Variants in DPY19L4 observed in about 807,000 individuals in gnomAD.
DPY19L4 encodes the protein dpy-19 like 4.
Under a neutral mutation model 102.8 loss-of-function variants are expected in DPY19L4, and 97 were observed. That is an observed-to-expected ratio of 0.94 (90% CI 0.80 to 1.12). DPY19L4 has a LOEUF of 1.12. DPY19L4 is among the 50% of genes most tolerant of loss of function. The pLI is 0.00. For synonymous variants in DPY19L4, 252 were observed against 283.1 expected (o/e 0.89, Z 1.10); for missense variants, 815 against 850.4 (o/e 0.96, Z 0.52).
intron 13 of DPY19L4, among the ~76,000 whole-genome samples, chr8:94,773,413 G>T (rs866948721): frequency 1.3e-5 from 2 of 152,028 alleles, no homozygotes; most frequent in African/African-American, 4.8e-5. Context: ...TAGAATTGAA[G>T]ATTATTATAT....
chr8:94,720,078 C>T, intron 1 of DPY19L4, 64 bp downstream of exon 1: 2 of 1,503,778 alleles, frequency 1.3e-6, no homozygotes, highest in African/African-American at 1.5e-5. Flanking sequence ...GGGGCGGGGG[C>T]GCTGGAGGTC....
At chr8:94,733,213 C>T (rs1371820422) in intron 2 of DPY19L4, among the ~76,000 whole-genome samples, 1 of 146,974 alleles carries the variant, frequency 6.8e-6, no homozygotes, top group Non-Finnish European at 1.5e-5. Context: ...GCAAGCTCTG[C>T]CTCTGGGTTC....
chr8:94,738,565 A>G (rs1586329511), intron 4 of DPY19L4, 106 bp downstream of exon 4: 1 of 401,200 alleles, frequency 2.5e-6, no homozygotes, highest in Non-Finnish European at 4.1e-6. Flanking sequence ...CCCAGGCTGG[A>G]GTGCAGTGGT....
intron 17 of DPY19L4, among the ~76,000 whole-genome samples, chr8:94,785,017 A>G (rs1813597163): frequency 6.6e-6 from 1 of 152,224 alleles, no homozygotes; most frequent in South Asian, 2.1e-4. Flanking sequence ...ATAATTTCAT[A>G]GAGTTTTTAA....
Position 94,789,914 on chromosome 8 carries a change from A to G in DPY19L4, c.*4A>G. ...TGTGATATCCTTCCAGTCTTGAAAAATAACAGAGCCTTCATTTCAAAGACT... is the reference window on the plus strand; with the variant it reads ...TGTGATATCCTTCCAGTCTTGAAAAGTAACAGAGCCTTCATTTCAAAGACT... On this transcript the variant is annotated 3_prime_UTR_variant, in exon 19 of 19. Coordinates refer to ENST00000414645, the MANE Select transcript of DPY19L4 (RefSeq NM_181787.3). The G allele has an allele frequency of 1.3e-6, 2 of 1,585,874 alleles. No individual in the cohort carries two copies. Among genetic ancestry groups the G allele is most frequent in the South Asian group, 1.2e-5 (1 of 84,378 alleles).
chr8:94,729,597 C>CA (rs770975687), intron 2 of DPY19L4, among the ~76,000 whole-genome samples: 1,693 of 30,962 alleles, frequency 0.055, 449 homozygotes, highest in African/African-American at 0.18. Flanking sequence ...GATTCCATCT[C>CA]AAAAAAAAAA....
intron 15 of DPY19L4, 28 bp from the exon 16 acceptor site, chr8:94,781,056 A>ATTTTTTT (rs36116205): frequency 4.2e-6 from 5 of 1,200,474 alleles, no homozygotes; most frequent in African/African-American, 1.8e-5. Context: ...TCTTTTGGGG[A>ATTTTTTT]TTTTTTTTTT....
chr8:94,784,166 C>G (rs1410266697), intron 17 of DPY19L4, among the ~76,000 whole-genome samples: 3 of 152,054 alleles, frequency 2.0e-5, no homozygotes, highest in Non-Finnish European at 4.4e-5. Context: ...TCTCCTGCCT[C>G]CAAGCGATTC....
At chr8:94,786,585 T>G (rs556527216) in intron 17 of DPY19L4, among the ~76,000 whole-genome samples, 1 of 152,208 alleles carries the variant, frequency 6.6e-6, no homozygotes, top group East Asian at 1.9e-4. Context: ...TTAGAGAATT[T>G]CGTAAAGGCT....
In DPY19L4 at chr8:94,780,380, G is replaced by A. The variant is rs1049953718; in HGVS notation, c.1597G>A (p.Val533Met). ...TTAGGCTCTTATTCTGAGCATGGCC[G>A]TGCCTACTATAATAGGTCTCAGCTT... ...ILLALILSMA[V>M]PTIIGLSLWK... The change falls in exon 15 of 19, where the codon GTG (valine) becomes ATG (methionine). Residue 533 changes from valine to methionine, a missense_variant. Physicochemically the swap from Val to Met is conservative, Grantham distance 21. Transcript: ENST00000414645. 4.2e-5 allele frequency: 62 copies of A among 1,483,408 alleles called. No individual in the cohort carries two copies. The highest frequency in any genetic ancestry group is 3.3e-4 in the East Asian group (14 of 42,766). 91.9% of individuals were successfully genotyped at this position (1,483,408 alleles called of 1,614,324 possible).
Position 94,791,448 on chromosome 8 carries a change from T to C in DPY19L4, c.*1538T>C, listed in dbSNP as rs1352194635. On this transcript the variant is annotated 3_prime_UTR_variant, in exon 19 of 19. Coordinates refer to ENST00000414645, the MANE Select transcript of DPY19L4 (RefSeq NM_181787.3). ...TTCAGTGGTTCTCATTTCACTTTTA[T>C]ACGTAATTTCTTAACTATATTAAGA... 1.3e-5 allele frequency: 2 copies of C among 152,178 alleles called. No individual in the cohort carries two copies. The highest frequency in any genetic ancestry group is 2.9e-5 in the Non-Finnish European group (2 of 68,000). 9.4% of individuals were successfully genotyped at this position (152,178 alleles called of 1,614,324 possible).
Position 94,774,401 on chromosome 8 carries a change from A to G in DPY19L4, c.1455-3265A>G, listed in dbSNP as rs1052581966. Among the ~76,000 whole-genome samples, 7 of 151,224 alleles carry G rather than the reference A, an allele frequency of 4.6e-5. 1 individual carries two copies. Among genetic ancestry groups the G allele is most frequent in the Middle Eastern group, 3.2e-3 (1 of 316 alleles). ...AGAAGTACATAACATAAAATCTACC[A>G]TCTTAATGTTTTTTAAGTATACAAT... On this transcript the variant is annotated intron_variant, in intron 13 of 18. Transcript: ENST00000414645.
intron 14 of DPY19L4, 71 bp downstream of exon 14, chr8:94,777,857 T>A (rs11996148): frequency 2.0e-6 from 3 of 1,480,262 alleles, no homozygotes; most frequent in Non-Finnish European, 2.7e-6. Flanking sequence ...GAAACTACAT[T>A]GAATACAATT....
Position 94,765,824 on chromosome 8 carries a change from G to T in DPY19L4, c.1101+15G>T. 6.9e-7 allele frequency: 1 copy of T among 1,446,548 alleles called. No homozygotes were observed. Among genetic ancestry groups the T allele is most frequent in the South Asian group, 1.2e-5 (1 of 82,744 alleles). The allele number at this position is 1,446,548 out of a possible 1,614,324, so 89.6% of individuals were successfully genotyped here. ...TTATAATGAAGGTAAGTAACTCTCT[G>T]GGATTCATATAGTAAAACAAAATGA... On this transcript the variant is annotated intron_variant, in intron 10 of 18. Transcript: ENST00000414645.
intron 6 of DPY19L4, among the ~76,000 whole-genome samples, chr8:94,747,790 G>A (rs1811746190): frequency 6.6e-6 from 1 of 151,998 alleles, no homozygotes; most frequent in Non-Finnish European, 1.5e-5. Context: ...TCGATCTCCT[G>A]ACCTCATGAT....
At chr8:94,776,498 T>G (rs1343134821) in intron 13 of DPY19L4, among the ~76,000 whole-genome samples, 1 of 150,514 alleles carries the variant, frequency 6.6e-6, no homozygotes, top group East Asian at 1.9e-4. Flanking sequence ...GGGCCATATA[T>G]CTACATTAAA....
At chr8:94,758,884 G>A (rs974591465) in intron 7 of DPY19L4, among the ~76,000 whole-genome samples, 3 of 151,944 alleles carry the variant, frequency 2.0e-5, no homozygotes, top group Admixed American at 6.6e-5. Context: ...GCAGATGCAC[G>A]TCACCACACC....
At chr8:94,741,646 T>C (rs1013159000) in intron 6 of DPY19L4, among the ~76,000 whole-genome samples, 2 of 152,252 alleles carry the variant, frequency 1.3e-5, no homozygotes, top group African/African-American at 2.4e-5. Flanking sequence ...CAGTGATTCA[T>C]TTTAATTGAT....
intron 7 of DPY19L4, among the ~76,000 whole-genome samples, chr8:94,759,970 A>G (rs751632164): frequency 9.2e-5 from 14 of 152,202 alleles, no homozygotes; most frequent in Admixed American, 2.0e-4. Flanking sequence ...TGTTTGATGT[A>G]TCACATAAAT....
Sources: gnomAD v4.1 joint callset for allele counts (sites outside exome capture counted in the v4.1 genomes callset) on GRCh38, gnomAD v4.1.1 for gene constraint, MANE v1.5 for transcripts, NCBI Gene and HGNC (gene_info 2026-07-23, HGNC 2026-07-21) for gene names.